Variants in S100A13 observed in about 807,000 individuals in gnomAD.
S100A13 encodes protein S100-A13.
S100A13 carries 6 observed loss-of-function variants against 8.2 expected under a neutral mutation model. The observed-to-expected ratio is 0.73, with a 90% CI of 0.40 to 1.44. The LOEUF (loss-of-function observed/expected upper bound fraction) is 1.44. Among genes scored for constraint, S100A13 ranks in the 40% most tolerant of loss-of-function variants. The pLI is 0.02. For synonymous variants in S100A13, 39 were observed against 45.9 expected (o/e 0.85, Z 0.61); for missense variants, 114 against 113.6 (o/e 1.00, Z -0.02).
At chr1:153,631,528 T>C, upstream of S100A13, 1 of 1,613,764 alleles carries the variant, frequency 6.2e-7, no homozygotes, top group East Asian at 2.2e-5. Context: ...GAGCTTATGC[T>C]GTAGGCAACA....
At chr1:153,621,538 C>G (rs1667249214) in intron 2 of S100A13, among the ~76,000 whole-genome samples, 1 of 151,628 alleles carries the variant, frequency 6.6e-6, no homozygotes, top group African/African-American at 2.4e-5. Context: ...TTTGGGAGGC[C>G]AAGGCGGGTG....
intron 2 of S100A13, among the ~76,000 whole-genome samples, chr1:153,620,376 G>A (rs904425165): frequency 2.0e-5 from 3 of 151,310 alleles, no homozygotes; most frequent in Non-Finnish European, 2.9e-5. Context: ...CAGAAGAATC[G>A]CTTGAGTGTG....
chr1:153,630,699 G>A (rs917423813), upstream of S100A13: 1 of 1,608,164 alleles, frequency 6.2e-7, no homozygotes, highest in Middle Eastern at 1.7e-4. Context: ...TGGAGTGGGT[G>A]AAGGTTGGGG....
chr1:153,624,340 G>C (rs1003387013), intron 2 of S100A13, among the ~76,000 whole-genome samples: 2 of 152,154 alleles, frequency 1.3e-5, no homozygotes, highest in African/African-American at 4.8e-5. Context: ...AAGCCACTGA[G>C]AATAACAACA....
upstream of S100A13, among the ~76,000 whole-genome samples, chr1:153,633,676 G>C (rs1012747516): frequency 2.6e-5 from 4 of 152,206 alleles, no homozygotes; most frequent in African/African-American, 7.2e-5. Context: ...GGGAAAACCA[G>C]TGCAAATTCC....
At position 153,619,021 on chromosome 1, in the gene S100A13, A is replaced by T; in HGVS notation, c.171T>A (p.Asp57Glu). 10 of 1,613,926 alleles carry T rather than the reference A, an allele frequency of 6.2e-6. No individual in the cohort carries two copies. The highest frequency in any genetic ancestry group is 8.5e-6 in the Non-Finnish European group (10 of 1,179,894). Reference sequence around the variant, plus strand: ...TCACATCCAAGCTCTTCATCTTCTCATCAAGAGAGCCCACATCCTGAGGAG... The same window carrying T: ...TCACATCCAAGCTCTTCATCTTCTCTTCAAGAGAGCCCACATCCTGAGGAG... The part of the protein sequence containing the change: ...PHLLKDVGSL[D>E]EKMKSLDVNQ... Residue 57 changes from aspartate (D) to glutamate (E), a missense_variant, in exon 3 of 3, where the codon GAT (aspartate) becomes GAA (glutamate). Transcript: ENST00000476133.
upstream of S100A13, chr1:153,628,557 C>G: frequency 6.5e-7 from 1 of 1,543,456 alleles, no homozygotes; most frequent in Non-Finnish European, 8.7e-7. Context: ...GAGGGGTCTT[C>G]AGAAGGGCTC....
At chr1:153,631,630 C>G (rs201321320), upstream of S100A13, 573 of 1,613,410 alleles carry the variant, frequency 3.6e-4, 1 homozygote, top group Middle Eastern at 8.2e-4. Flanking sequence ...CCTCAACCAC[C>G]CCCTTGCCTC....
chr1:153,627,799 T>G, upstream of S100A13: 2 of 478,418 alleles, frequency 4.2e-6, no homozygotes, highest in Non-Finnish European at 3.8e-6. Flanking sequence ...TAATCAGGAG[T>G]GTGTATGCTG....
chr1:153,621,331 A>G (rs1282349660), intron 2 of S100A13, among the ~76,000 whole-genome samples: 2 of 151,576 alleles, frequency 1.3e-5, no homozygotes, highest in African/African-American at 2.4e-5. Flanking sequence ...TAATTTTTCT[A>G]TTTTTAGTAG....
upstream of S100A13, chr1:153,629,416 T>C (rs916654963): frequency 4.6e-5 from 7 of 152,204 alleles, no homozygotes; most frequent in African/African-American, 1.7e-4. Context: ...CAGGGGCCAT[T>C]GTCCAGCCCC....
chr1:153,632,645 C>T (rs1668089736), upstream of S100A13, among the ~76,000 whole-genome samples: 1 of 152,028 alleles, frequency 6.6e-6, no homozygotes, highest in Admixed American at 6.6e-5. Flanking sequence ...ACTGAGGCTC[C>T]AGCATTAAGC....
intron 1 of S100A13, 40 bp from the exon 2 acceptor site, chr1:153,626,573 G>A: frequency 8.2e-7 from 1 of 1,219,098 alleles, no homozygotes; most frequent in South Asian, 1.3e-5. Flanking sequence ...GAGTCAGGGA[G>A]CCCCAAGATG....
chr1:153,628,373 T>C, upstream of S100A13: 6 of 1,543,840 alleles, frequency 3.9e-6, no homozygotes, highest in Admixed American at 5.9e-5. Flanking sequence ...AGGGGTGGAG[T>C]CGGTGGGGGG....
Position 153,626,325 on chromosome 1 carries a change from G to T in S100A13, c.148C>A (p.Leu50Ile). 1 of 1,614,032 alleles carries T rather than the reference G, an allele frequency of 6.2e-7. No individual in the cohort carries two copies. The highest frequency in any genetic ancestry group is 8.5e-7 in the Non-Finnish European group (1 of 1,179,892). ...AGTCCCAGACTTCTGCCTACCTTGA[G>T]CAGATGGGGCAACTGCTGGGTAACC... Reference protein sequence around the residue: ...ELVTQQLPHLLKDVGSLDEKM... With the variant: ...ELVTQQLPHLIKDVGSLDEKM... Residue 50 changes from leucine (L) to isoleucine (I), a missense_variant, in exon 2 of 3, where the codon CTC (leucine) becomes ATC (isoleucine). Coordinates refer to ENST00000476133, the MANE Select transcript of S100A13 (RefSeq NM_001024211.2).
intron 2 of S100A13, among the ~76,000 whole-genome samples, chr1:153,625,110 C>T (rs1022337663): frequency 2.0e-5 from 3 of 152,016 alleles, no homozygotes; most frequent in African/African-American, 4.8e-5. Flanking sequence ...GTGTGGCATG[C>T]GCCTGTGGTC....
chr1:153,631,206 G>A (rs1031307455), upstream of S100A13: 99 of 480,064 alleles, frequency 2.1e-4, no homozygotes, highest in Non-Finnish European at 3.6e-4. Context: ...AGGCTGCTAA[G>A]GCTAACCAGG....
upstream of S100A13, chr1:153,631,392 C>A: frequency 1.5e-6 from 2 of 1,360,276 alleles, no homozygotes; most frequent in Non-Finnish European, 2.0e-6. Flanking sequence ...TGAAACATAC[C>A]TCACATTATT....
At chr1:153,622,500 A>G (rs1471723914) in intron 2 of S100A13, among the ~76,000 whole-genome samples, 5 of 152,254 alleles carry the variant, frequency 3.3e-5, no homozygotes, top group Admixed American at 3.3e-4. Context: ...AGAAATGGAC[A>G]TAAGAAAAAT....
Sources: gnomAD v4.1 joint callset for allele counts (sites outside exome capture counted in the v4.1 genomes callset) on GRCh38, gnomAD v4.1.1 for gene constraint, MANE v1.5 for transcripts, NCBI Gene and HGNC (gene_info 2026-07-23, HGNC 2026-07-21) for gene names.